ZNF180: variants seen among roughly 807,000 people sequenced by gnomAD.
The protein encoded by ZNF180 is zinc finger protein 180.
Under a neutral mutation model 11.8 loss-of-function variants are expected in ZNF180, and 11 were observed. The observed-to-expected ratio is 0.93, with a 90% confidence interval of 0.59 to 1.55. The LOEUF (loss-of-function observed/expected upper bound fraction) is 1.55. Ranked by LOEUF, ZNF180 falls within the 40% of genes most tolerant of loss-of-function variation. The pLI is 0.00. For synonymous variants in ZNF180, 287 were observed against 257.7 expected, an observed-to-expected ratio of 1.11 and a Z score of -1.09; for missense variants, 773 against 781.7, an observed-to-expected ratio of 0.99 and a Z score of 0.13.
In ZNF180 at chr19:44,479,411, TA is replaced by T. The variant is rs1568425500; in HGVS notation, c.127-3del. The T allele has an allele frequency of 6.2e-7, 1 of 1,613,594 alleles. No individual in the cohort carries two copies. ...CACAATTTTGAAGTTCACTCCTTCCTAAAAAAGGACACACATTCCTGCTCAG... is the reference window on the plus strand; with the variant it reads ...CACAATTTTGAAGTTCACTCCTTCCTAAAAAGGACACACATTCCTGCTCAG... On this transcript the variant is annotated splice_polypyrimidine_tract_variant and splice_region_variant and intron_variant, in intron 3 of 4. Coordinates refer to ENST00000592529, the MANE Select transcript of ZNF180 (RefSeq NM_001278509.3).
In ZNF180 at chr19:44,477,747, AGT is replaced by A. The variant is rs1969961756; in HGVS notation, c.651_652del (p.Leu218IlefsTer2). 1 of 1,613,926 alleles carries A rather than the reference AGT, an allele frequency of 6.2e-7. No individual in the cohort carries two copies. The highest frequency in any genetic ancestry group is 8.5e-7 in the Non-Finnish European group (1 of 1,179,986). On this transcript the variant is annotated frameshift_variant, in exon 5 of 5. Transcript: ENST00000592529. LOFTEE classifies it low-confidence loss of function (END_TRUNC). ...TTTTCCACATTCATTATTTTCATAT[AGT>A]GTCTCATTCTCATTAATCTTCTGAT... is the stretch of plus-strand genomic sequence containing the variant.
At chr19:44,497,441 C>T (rs1600099739) in intron 1 of ZNF180, 64 bp from the exon 2 acceptor site, 1 of 1,457,954 alleles carries the variant, frequency 6.9e-7, no homozygotes, top group East Asian at 2.7e-5. Flanking sequence ...GCCCCCCACC[C>T]CCATTAGCCC....
Position 44,477,911 on chromosome 19 carries a change from G to A in ZNF180, c.489C>T (p.Cys163=). 2 of 1,613,910 alleles carry A rather than the reference G, an allele frequency of 1.2e-6. No individual in the cohort carries two copies. Among genetic ancestry groups the A allele is most frequent in the Non-Finnish European group, 1.7e-6 (2 of 1,179,986 alleles). The change falls in exon 5 of 5, where the codon TGC becomes TGT. Residue 163 remains cysteine, a synonymous_variant. Coordinates refer to ENST00000592529, the MANE Select transcript of ZNF180 (RefSeq NM_001278509.3). ...TCTTCTCCCCAGTTTCATCACTTTT[G>A]CAGACTCTCTCATGAATAACTGCTT... The part of the protein sequence containing the change: ...QRKAVIHERV[C]KSDETGEKSG...
In ZNF180 at chr19:44,500,407, G is replaced by T; in HGVS notation, c.-176C>A. ...CTGCAACACGGCCGACTCGGGTTAA[G>T]CTAGTTCGGTCCCCTCTCCTAGTCA... On this transcript the variant is annotated 5_prime_UTR_variant, in exon 1 of 5. Coordinates refer to ENST00000592529, the MANE Select transcript of ZNF180 (RefSeq NM_001278509.3). 3.9e-6 allele frequency: 3 copies of T among 775,814 alleles called. No individual in the cohort carries two copies. The highest frequency in any genetic ancestry group is 4.3e-6 in the Non-Finnish European group (2 of 469,168). The allele number at this position is 775,814 out of a possible 1,614,324, so 48.1% of individuals were successfully genotyped here.
chr19:44,479,293 T>C lies in ZNF180; in HGVS notation c.243A>G (p.Leu81=). Residue 81 remains leucine (L), a synonymous_variant, in exon 4 of 5, where the codon CTA becomes CTG. Coordinates refer to ENST00000592529, the MANE Select transcript of ZNF180 (RefSeq NM_001278509.3). The part of the protein sequence containing the change: ...RDVILENHRD[L]VSWDLATAVG... Reference sequence around the variant, plus strand: ...GGAGTGTATTCTTACCCCAAGAGACTAGGTCCCTGTGGTTCTCCAGGATCA... The same window carrying C: ...GGAGTGTATTCTTACCCCAAGAGACCAGGTCCCTGTGGTTCTCCAGGATCA... 1 of 1,613,810 alleles carries C rather than the reference T, an allele frequency of 6.2e-7. No individual in the cohort carries two copies. Among genetic ancestry groups the C allele is most frequent in the Non-Finnish European group, 8.5e-7 (1 of 1,179,856 alleles).
At chr19:44,485,100 GCAGTGAT>G (rs1477724615) in intron 2 of ZNF180, 4 of 146,222 alleles carry the variant, frequency 2.7e-5, no homozygotes, top group African/African-American at 1.0e-4. Flanking sequence ...GGTGGAGGTT[GCAGTGAT>G]CCAAGATCAT....
chr19:44,484,995 T>C (rs147689089), intron 2 of ZNF180: 2,301 of 152,946 alleles, frequency 0.015, 18 homozygotes, highest in African/African-American at 0.024. Flanking sequence ...ACCCCGTCTC[T>C]ACTAAATATA....
At chr19:44,482,793 G>A (rs557148174) in intron 3 of ZNF180, among the ~76,000 whole-genome samples, 12 of 152,346 alleles carry the variant, frequency 7.9e-5, no homozygotes, top group Non-Finnish European at 1.2e-4. Context: ...TTCTCAAAGG[G>A]CTCCTGTGAG....
intron 2 of ZNF180, among the ~76,000 whole-genome samples, chr19:44,496,086 A>G (rs1970571210): frequency 1.3e-5 from 2 of 152,106 alleles, no homozygotes; most frequent in South Asian, 4.2e-4. Flanking sequence ...TGACACAATC[A>G]TAGCTTACTA....
intron 1 of ZNF180, among the ~76,000 whole-genome samples, chr19:44,499,440 A>C (rs1178085438): frequency 6.6e-6 from 1 of 152,220 alleles, no homozygotes; most frequent in East Asian, 1.9e-4. Flanking sequence ...ATTTGATGGC[A>C]GCTGTTGCAG....
chr19:44,483,727 T>C (rs1387401941), intron 3 of ZNF180, among the ~76,000 whole-genome samples: 4 of 152,240 alleles, frequency 2.6e-5, no homozygotes, highest in Non-Finnish European at 4.4e-5. Context: ...AGCTAATTTA[T>C]TCAAGATGTT....
In ZNF180 at chr19:44,477,622, G is replaced by T. The variant is rs1969953978; in HGVS notation, c.778C>A (p.Pro260Thr). Residue 260 changes from proline (P) to threonine (T), a missense_variant, in exon 5 of 5, where the codon CCC becomes ACC. Coordinates refer to ENST00000592529, the MANE Select transcript of ZNF180 (RefSeq NM_001278509.3). ...DRIQSFCHGT[P>T]LHIHEKIHGG... ...TGAATTTTTTCATGTATATGTAGGG[G>T]TGTACCATGGCAAAAAGATTGAATA... 2 of 1,614,008 alleles carry T rather than the reference G, an allele frequency of 1.2e-6. No homozygotes were observed. Among genetic ancestry groups the T allele is most frequent in the Non-Finnish European group, 1.7e-6 (2 of 1,179,980 alleles).
At chr19:44,488,570 A>G (rs1487082806) in intron 2 of ZNF180, among the ~76,000 whole-genome samples, 5 of 151,974 alleles carry the variant, frequency 3.3e-5, no homozygotes, top group Admixed American at 2.0e-4. Context: ...TCAGTGCTCA[A>G]TGGTGCCCAG....
rs771949464 is a variant in ZNF180, at chr19:44,477,844, T to C, written c.556A>G (p.Ile186Val). Residue 186 changes from isoleucine to valine, a missense_variant, in exon 5 of 5, where the codon ATA (isoleucine) becomes GTA (valine). Physicochemically the swap from Ile to Val is conservative, Grantham distance 29. Coordinates refer to ENST00000592529, the MANE Select transcript of ZNF180 (RefSeq NM_001278509.3). ...ACATGTTTATGAAAATGGTTTCTTA[T>C]GGGTATAACTGGGGATGAAAATAGA... ...SSLFSSPVIP[I>V]RNHFHKHVSH... 5.6e-6 allele frequency: 9 copies of C among 1,613,836 alleles called. No homozygotes were observed. Among genetic ancestry groups the C allele is most frequent in the Admixed American group, 1.7e-5 (1 of 59,998 alleles).
At chr19:44,478,854 T>C (rs1970002738) in intron 4 of ZNF180, among the ~76,000 whole-genome samples, 1 of 152,232 alleles carries the variant, frequency 6.6e-6, no homozygotes, top group African/African-American at 2.4e-5. Flanking sequence ...ATGCGGATTT[T>C]TTCAAATGGA....
chr19:44,476,686 G>A lies in ZNF180; in HGVS notation c.1714C>T (p.His572Tyr). 2 of 1,614,192 alleles carry A rather than the reference G, an allele frequency of 1.2e-6. No homozygotes were observed. The highest frequency in any genetic ancestry group is 2.7e-5 in the African/African-American group (2 of 75,054). Residue 572 changes from histidine to tyrosine, a missense_variant, in exon 5 of 5, where the codon CAT becomes TAT. Coordinates refer to ENST00000592529, the MANE Select transcript of ZNF180 (RefSeq NM_001278509.3). ...CATTCATAGGGCTTTTCTCCAGTAT[G>A]AGTTCTCTGATGTACAACAAGAACA... is the stretch of plus-strand genomic sequence containing the variant. ...SYVLVVHQRT[H>Y]TGEKPYECSQ...
rs1969855966 is a variant in ZNF180, at chr19:44,476,009, A to C, written c.*393T>G. The stretch of plus-strand genomic sequence containing the variant: ...GTTCTAAACACTACAGCAACCTTTA[A>C]ATTTTCTCAATAAGCCCACTAGTGT... On this transcript the variant is annotated 3_prime_UTR_variant, in exon 5 of 5. Transcript: ENST00000592529. 6.1e-6 allele frequency: 1 copy of C among 163,450 alleles called. No individual in the cohort carries two copies. The highest frequency in any genetic ancestry group is 1.3e-5 in the Non-Finnish European group (1 of 75,622). 10.1% of individuals were successfully genotyped at this position (163,450 alleles called of 1,614,324 possible). A position where few individuals can be genotyped will look rare whatever the true frequency, so the allele number is the denominator to read the frequency against.
intron 3 of ZNF180, among the ~76,000 whole-genome samples, chr19:44,479,860 T>A (rs1007127561): frequency 6.6e-6 from 1 of 152,212 alleles, no homozygotes; most frequent in South Asian, 2.1e-4. Flanking sequence ...TCTGCTGCTA[T>A]AGCAAGAAAT....
chr19:44,498,631 C>T (rs1269419792), intron 1 of ZNF180, among the ~76,000 whole-genome samples: 1 of 152,176 alleles, frequency 6.6e-6, no homozygotes, highest in African/African-American at 2.4e-5. Flanking sequence ...CATCTCCGGC[C>T]TCCTGTTTCC....
Sources: allele counts gnomAD v4.1 joint callset (sites outside exome capture counted in the v4.1 genomes callset), GRCh38; gene constraint gnomAD v4.1.1; transcripts MANE v1.5; gene names NCBI Gene and HGNC (gene_info 2026-07-23, HGNC 2026-07-21).